C14orf39: variants seen among roughly 807,000 people sequenced by gnomAD.
The protein encoded by C14orf39 is chromosome 14 open reading frame 39, also known as protein SIX6OS1.
A neutral mutation model predicts 85.6 loss-of-function variants in C14orf39; 66 were observed. The ratio of observed to expected loss-of-function variants is 0.77; its 90% CI spans 0.63 to 0.95. The LOEUF (loss-of-function observed/expected upper bound fraction) is 0.95, where lower values mean the gene tolerates loss of function less well. C14orf39 is among the 40% of genes least tolerant of loss of function. C14orf39 has a pLI of 0.00. For missense variants in C14orf39, 735 were observed against 663.9 expected (o/e 1.11, Z -1.18); for synonymous variants, 242 against 214.0 (o/e 1.13, Z -1.14).
In C14orf39 at chr14:60,436,905, A is replaced by C. The variant is rs145164745; in HGVS notation, c.1704T>G (p.Ser568=). The C allele has an allele frequency of 1.2e-4, 194 of 1,612,670 alleles. 4 individuals are homozygous for C. Among genetic ancestry groups the C allele is most frequent in the African/African-American group, 9.1e-4 (68 of 74,874 alleles). ...AAGATGAAAAACCTTTTAAAGAAGA[A>C]GAAGGTATTGAATTTTGACCCTGTC... ...SFGQGQNSIP[S]SSLKGFSSSS... Residue 568 remains serine (S), a synonymous_variant, in exon 18 of 18, where the codon TCT becomes TCG. Coordinates refer to ENST00000321731, the MANE Select transcript of C14orf39 (RefSeq NM_174978.3).
In C14orf39 at chr14:60,451,949, G is replaced by A. The variant is rs1203220689; in HGVS notation, c.1503+3052C>T. ...TGTAATCCCAGCACTTTGGGAGGCTGAGGCAGGCAGATAACGAGGTCAGGA... is the reference window on the plus strand; with the variant it reads ...TGTAATCCCAGCACTTTGGGAGGCTAAGGCAGGCAGATAACGAGGTCAGGA... On this transcript the variant is annotated intron_variant, in intron 16 of 17. Coordinates refer to ENST00000321731, the MANE Select transcript of C14orf39 (RefSeq NM_174978.3). Among the ~76,000 whole-genome samples, 92 of 151,992 alleles carry A rather than the reference G, an allele frequency of 6.1e-4. 1 individual carries two copies. Among genetic ancestry groups the A allele is most frequent in the Non-Finnish European group, 8.8e-5 (6 of 67,940 alleles).
intron 7 of C14orf39, among the ~76,000 whole-genome samples, chr14:60,469,930 T>G (rs1245613301): frequency 3.1e-5 from 1 of 32,530 alleles, no homozygotes; most frequent in Non-Finnish European, 1.1e-4. Context: ...CACAGGGTAG[T>G]TTTTTTTTTT....
chr14:60,439,775 T>C (rs1014835891), intron 17 of C14orf39, among the ~76,000 whole-genome samples: 1 of 152,174 alleles, frequency 6.6e-6, no homozygotes, highest in Non-Finnish European at 1.5e-5. Flanking sequence ...AATGAGAATG[T>C]CAAAAAAGAG....
intron 1 of C14orf39, chr14:60,511,585 T>A: frequency 2.0e-6 from 1 of 495,440 alleles, no homozygotes; most frequent in Non-Finnish European, 3.7e-6. Context: ...CATGGGTATT[T>A]CACGTCGAAA....
Position 60,437,151 on chromosome 14 carries a change from A to C in C14orf39, c.1562-104T>G, listed in dbSNP as rs538604951. 1.1e-4 allele frequency: 79 copies of C among 746,380 alleles called. 1 individual carries two copies. The South Asian group carries it at 1.4e-3, about 13-fold the overall frequency. The allele number at this position is 746,380 out of a possible 1,614,324, so 46.2% of individuals were successfully genotyped here. Reference sequence around the variant, plus strand: ...GCATACAATAAATATGGTAACACTGAATCAGTGTTACACAGGAATACAGGT... The same window carrying C: ...GCATACAATAAATATGGTAACACTGCATCAGTGTTACACAGGAATACAGGT... On this transcript the variant is annotated intron_variant, in intron 17 of 17. Transcript: ENST00000321731.
At chr14:60,467,218 G>C (rs1415006895) in intron 9 of C14orf39, among the ~76,000 whole-genome samples, 174 bp from the exon 10 acceptor site, 1 of 151,766 alleles carries the variant, frequency 6.6e-6, no homozygotes, top group African/African-American at 2.4e-5. Context: ...CTTAGTAGTG[G>C]TGTCAGAGCA....
At chr14:60,485,156 C>A in intron 1 of C14orf39, 70 bp from the exon 2 acceptor site, 2 of 1,318,384 alleles carry the variant, frequency 1.5e-6, no homozygotes, top group South Asian at 1.3e-5. Context: ...TATTTCGTAA[C>A]GACCTTTTCA....
intron 2 of C14orf39, among the ~76,000 whole-genome samples, chr14:60,497,640 C>T (rs533002134): frequency 2.0e-5 from 3 of 152,276 alleles, no homozygotes; most frequent in Admixed American, 2.0e-4. Context: ...CTTTGGGAGG[C>T]CGAGGTGGGC....
intron 16 of C14orf39, among the ~76,000 whole-genome samples, chr14:60,447,401 A>C (rs1409326045): frequency 1.3e-5 from 2 of 152,244 alleles, no homozygotes; most frequent in African/African-American, 4.8e-5. Context: ...CTATACACCA[A>C]TAACAGACAG....
chr14:60,461,429 AT>A lies in C14orf39; in HGVS notation c.1059-18del, dbSNP rs756801350. ...GTTAACAATCTAAAATGGAATAAAT[AT>A]AATTTTTGTATTTTTTCTGAGTTGA... On this transcript the variant is annotated intron_variant, in intron 12 of 17. Coordinates refer to ENST00000321731, the MANE Select transcript of C14orf39 (RefSeq NM_174978.3). 1 of 1,596,840 alleles carries A rather than the reference AT, an allele frequency of 6.3e-7. No homozygotes were observed. The highest frequency in any genetic ancestry group is 8.5e-7 in the Non-Finnish European group (1 of 1,169,938).
At chr14:60,448,587 T>C (rs1169576009) in intron 16 of C14orf39, among the ~76,000 whole-genome samples, 1 of 152,118 alleles carries the variant, frequency 6.6e-6, no homozygotes, top group South Asian at 2.1e-4. Context: ...TTCGTGGGAG[T>C]GTAAATTAGT....
At chr14:60,473,912 T>TA (rs1225802458) in intron 5 of C14orf39, among the ~76,000 whole-genome samples, 1 of 152,156 alleles carries the variant, frequency 6.6e-6, no homozygotes, top group Non-Finnish European at 1.5e-5. Context: ...ATATGAACTT[T>TA]AAAAGTAGTT....
chr14:60,446,899 G>T (rs191600624), intron 16 of C14orf39, among the ~76,000 whole-genome samples: 1 of 152,224 alleles, frequency 6.6e-6, no homozygotes, highest in East Asian at 1.9e-4. Flanking sequence ...CTCAACATAT[G>T]CAAATCAATA....
At chr14:60,514,898 A>G (rs983850227) in intron 1 of C14orf39, among the ~76,000 whole-genome samples, 1 of 152,084 alleles carries the variant, frequency 6.6e-6, no homozygotes, top group African/African-American at 2.4e-5. Flanking sequence ...GGGTCTGTGG[A>G]GCGGCCGGCG....
At chr14:60,446,972 A>G (rs1297313456) in intron 16 of C14orf39, among the ~76,000 whole-genome samples, 1 of 152,212 alleles carries the variant, frequency 6.6e-6, no homozygotes, top group Non-Finnish European at 1.5e-5. Flanking sequence ...CAATAGATGC[A>G]GAAAAGGCCT....
At chr14:60,501,354 G>A (rs1893145072) in intron 1 of C14orf39, among the ~76,000 whole-genome samples, 1 of 146,734 alleles carries the variant, frequency 6.8e-6, no homozygotes, top group Admixed American at 6.8e-5. Flanking sequence ...CTAAAATACA[G>A]GCAGAAAGAG....
chr14:60,484,882 A>G lies in C14orf39; in HGVS notation c.105T>C (p.Asn35=), dbSNP rs558935139. The change falls in exon 3 of 18, where the codon AAT becomes AAC. Residue 35 remains asparagine, a splice_region_variant and synonymous_variant. Transcript: ENST00000321731. This position sits in a 1 kb window ranked among gnomAD's most constrained non-coding sequence, Gnocchi z 4.2. ...STKEEMIQRI[N]KCCEDIKENK... is the part of the protein sequence containing the mutation. Reference sequence around the variant, plus strand: ...TCTTGATCATGCAAAGCTACTTACTATTAATTCTTTGAATCATCTCTTCTT... The same window carrying G: ...TCTTGATCATGCAAAGCTACTTACTGTTAATTCTTTGAATCATCTCTTCTT... 53 of 1,555,490 alleles carry G rather than the reference A, an allele frequency of 3.4e-5. No individual in the cohort carries two copies. The South Asian group carries it at 6.2e-4, about 18-fold the overall frequency.
intron 2 of C14orf39, among the ~76,000 whole-genome samples, chr14:60,498,353 C>T (rs571238621): frequency 6.6e-6 from 1 of 152,268 alleles, no homozygotes; most frequent in South Asian, 2.1e-4. Context: ...AGGTCTATAC[C>T]TTTCCAGGCT....
chr14:60,469,672 T>G lies in C14orf39; in HGVS notation c.555-19A>C. The G allele has an allele frequency of 9.7e-7, 1 of 1,028,576 alleles. No homozygotes were observed. Among genetic ancestry groups the G allele is most frequent in the South Asian group, 2.3e-5 (1 of 43,168 alleles). The allele number at this position is 1,028,576 out of a possible 1,614,324, so 63.7% of individuals were successfully genotyped here. On this transcript the variant is annotated intron_variant, in intron 7 of 17. Transcript: ENST00000321731. ...ATTAACACTTTTTATGTTAAGGAAC[T>G]ATGTCATATAAGTAAATTTTATATT...
Sources: allele counts gnomAD v4.1 joint callset (sites outside exome capture counted in the v4.1 genomes callset), GRCh38; gene constraint gnomAD v4.1.1; non-coding constraint Gnocchi (gnomAD v3.1); transcripts MANE v1.5; gene names NCBI Gene and HGNC (gene_info 2026-07-23, HGNC 2026-07-21).